The following RBFOX1 variants were observed in gnomAD, a reference collection of about 807,000 sequenced individuals.
RBFOX1 encodes RNA binding fox-1 homolog 1.
In RBFOX1, 8 loss-of-function variants were observed where a neutral mutation model predicts 57.7. The observed-to-expected ratio is 0.14, with a 90% CI of 0.08 to 0.25. RBFOX1 has a LOEUF of 0.25. Among genes scored for constraint, RBFOX1 ranks in the 10% least tolerant of loss-of-function variants. RBFOX1 has a pLI of 1.00. For synonymous variants in RBFOX1, 326 were observed against 222.4 expected, an observed-to-expected ratio of 1.47 and a Z score of -4.15; for missense variants, 611 against 548.5, an observed-to-expected ratio of 1.11 and a Z score of -1.14.
At chr16:7,410,254 T>G (rs920082469) in intron 4 of RBFOX1, among the ~76,000 whole-genome samples, 1 of 152,244 alleles carries the variant, frequency 6.6e-6, no homozygotes, top group African/African-American at 2.4e-5. Context: ...TGTTGGCTCC[T>G]TAGACCAACA....
At chr16:6,909,217 G>A (rs1171190769) in intron 3 of RBFOX1, among the ~76,000 whole-genome samples, 1 of 152,106 alleles carries the variant, frequency 6.6e-6, no homozygotes. Context: ...CCGGTTTCTA[G>A]AGGCCACCCA....
intron 4 of RBFOX1, among the ~76,000 whole-genome samples, chr16:7,424,422 G>A (rs992928782): frequency 1.3e-5 from 2 of 152,132 alleles, no homozygotes. Context: ...ATCACACCCA[G>A]CTACTTTTTG....
At chr16:7,143,613 T>G (rs934327266) in intron 4 of RBFOX1, among the ~76,000 whole-genome samples, 2 of 152,156 alleles carry the variant, frequency 1.3e-5, no homozygotes, top group Non-Finnish European at 2.9e-5. Context: ...CTTTTTATCT[T>G]TTCTGTGTCC....
chr16:6,924,721 T>C (rs2075203677), intron 3 of RBFOX1, among the ~76,000 whole-genome samples: 2 of 152,054 alleles, frequency 1.3e-5, no homozygotes, highest in African/African-American at 4.8e-5. Flanking sequence ...AGGGTACATG[T>C]GCACAACGTG....
chr16:7,624,984 C>T (rs1008506352), intron 10 of RBFOX1, among the ~76,000 whole-genome samples: 13 of 152,144 alleles, frequency 8.5e-5, no homozygotes, highest in African/African-American at 1.7e-4. Flanking sequence ...ATACAGAGAC[C>T]GGAGAGTGGG....
At chr16:5,871,733 A>G (rs1362856567) in intron 4 of RBFOX1, among the ~76,000 whole-genome samples, 1 of 152,202 alleles carries the variant, frequency 6.6e-6, no homozygotes, top group South Asian at 2.1e-4. Context: ...TTGAGGAAAA[A>G]AAAAATTCAT....
At chr16:7,624,520 C>G (rs1004499411) in intron 10 of RBFOX1, among the ~76,000 whole-genome samples, 2 of 152,148 alleles carry the variant, frequency 1.3e-5, no homozygotes, top group African/African-American at 2.4e-5. Flanking sequence ...ACATGGAGTT[C>G]AACAGATGTA....
intron 3 of RBFOX1, among the ~76,000 whole-genome samples, chr16:6,831,541 A>ATCTAAACACTGTG: frequency 6.6e-6 from 1 of 152,344 alleles, no homozygotes; most frequent in East Asian, 1.9e-4. Flanking sequence ...ACCTCTGAAC[A>ATCTAAACACTGTG]TTACATCTAA....
intron 4 of RBFOX1, among the ~76,000 whole-genome samples, chr16:7,121,087 C>G (rs2067076617): frequency 6.6e-6 from 1 of 151,918 alleles, no homozygotes; most frequent in Admixed American, 6.6e-5. Flanking sequence ...AAACTCTCAA[C>G]TAACTAGAAA....
At chr16:6,157,059 C>G (rs1401906573) in intron 1 of RBFOX1, among the ~76,000 whole-genome samples, 1 of 152,046 alleles carries the variant, frequency 6.6e-6, no homozygotes, top group Non-Finnish European at 1.5e-5. Flanking sequence ...TGCTCTCTCA[C>G]TCCTGGTCTC....
intron 6 of RBFOX1, among the ~76,000 whole-genome samples, 173 bp downstream of exon 6, chr16:7,580,093 C>G (rs1177469125): frequency 1.3e-5 from 2 of 152,128 alleles, no homozygotes; most frequent in African/African-American, 4.8e-5. Context: ...ATGGTTTTAG[C>G]ATGTATTTCT....
At chr16:6,779,594 A>T (rs764052239) in intron 3 of RBFOX1, among the ~76,000 whole-genome samples, 28 of 148,244 alleles carry the variant, frequency 1.9e-4, no homozygotes, top group African/African-American at 6.7e-4. Context: ...CCTCCATACT[A>T]TTCTCCAGAG....
intron 4 of RBFOX1, among the ~76,000 whole-genome samples, chr16:6,012,043 C>G (rs982463620): frequency 2.0e-5 from 3 of 152,186 alleles, no homozygotes; most frequent in African/African-American, 7.2e-5. Context: ...GAGCTGTTAC[C>G]CTGTGCCAGG....
Position 5,500,622 on chromosome 16 carries a change from A to C in RBFOX1, c.258+33368A>C, listed in dbSNP as rs373248099. On this transcript the variant is annotated intron_variant, in intron 2 of 2. Coordinates refer to the RBFOX1 transcript ENST00000585867. ...TGTCAGGACCTAGAGTTCTCTCTCA[A>C]CCTAAGTCACTCTATCCAGACACAC... 7.7e-4 allele frequency among the ~76,000 whole-genome samples: 117 copies of C among 152,182 alleles called. 1 individual carries two copies. In the South Asian group the frequency reaches 0.023, roughly 31 times the overall value.
intron 1 of RBFOX1, among the ~76,000 whole-genome samples, chr16:5,413,246 C>T (rs2067071732): frequency 6.6e-6 from 1 of 152,094 alleles, no homozygotes; most frequent in Non-Finnish European, 1.5e-5. Flanking sequence ...CCAACTGTTA[C>T]AGCTTCTTCT....
At chr16:5,847,342 G>A (rs1377544405) in intron 3 of RBFOX1, among the ~76,000 whole-genome samples, 6 of 140,452 alleles carry the variant, frequency 4.3e-5, no homozygotes, top group African/African-American at 1.6e-4. Flanking sequence ...CTTAGCCTCA[G>A]TTTCCTTATC....
At chr16:7,507,841 G>A (rs898660072) in intron 4 of RBFOX1, among the ~76,000 whole-genome samples, 1 of 152,058 alleles carries the variant, frequency 6.6e-6, no homozygotes, top group Non-Finnish European at 1.5e-5. Flanking sequence ...GGGATTACAG[G>A]CATGAGCCAC....
At chr16:6,469,591 C>T (rs1348072500) in intron 2 of RBFOX1, among the ~76,000 whole-genome samples, 2 of 152,202 alleles carry the variant, frequency 1.3e-5, no homozygotes, top group Non-Finnish European at 1.5e-5. Flanking sequence ...AATGCATGTT[C>T]ACATCTCCTG....
intron 2 of RBFOX1, among the ~76,000 whole-genome samples, chr16:6,653,143 C>A (rs1170981880): frequency 6.6e-6 from 1 of 152,116 alleles, no homozygotes; most frequent in Non-Finnish European, 1.5e-5. Flanking sequence ...CTTGGCTCAT[C>A]CCCCTAACTT....
Sources: gnomAD v4.1 joint callset for allele counts (sites outside exome capture counted in the v4.1 genomes callset) on GRCh38, gnomAD v4.1.1 for gene constraint, MANE v1.5 for transcripts, NCBI Gene and HGNC (gene_info 2026-07-23, HGNC 2026-07-21) for gene names.